The following TTC39B variants were observed in gnomAD, a reference collection of about 807,000 sequenced individuals.
TTC39B encodes the protein tetratricopeptide repeat protein 39B.
Under a neutral mutation model 96.6 loss-of-function variants are expected in TTC39B, and 92 were observed. The ratio of observed to expected loss-of-function variants is 0.95; its 90% CI spans 0.80 to 1.13. The LOEUF (loss-of-function observed/expected upper bound fraction) is 1.13, where lower values mean the gene tolerates loss of function less well. TTC39B is among the 50% of genes most tolerant of loss of function. TTC39B has a pLI of 0.00. For synonymous variants in TTC39B, 367 were observed against 299.4 expected (o/e 1.23, Z -2.33); for missense variants, 955 against 809.3 (o/e 1.18, Z -2.18).
At chr9:15,277,672 C>G (rs760278043) in intron 1 of TTC39B, among the ~76,000 whole-genome samples, 1 of 152,196 alleles carries the variant, frequency 6.6e-6, no homozygotes, top group Non-Finnish European at 1.5e-5. Flanking sequence ...AGCAGAGAGG[C>G]TGGCACAGAT....
chr9:15,203,012 AAAAG>A (rs1055279772), intron 7 of TTC39B, among the ~76,000 whole-genome samples: 10 of 152,194 alleles, frequency 6.6e-5, no homozygotes, highest in African/African-American at 2.2e-4. Flanking sequence ...AGGAAGAAAT[AAAAG>A]AAAGGAGAAT....
At chr9:15,271,901 T>C (rs1245471667) in intron 1 of TTC39B, among the ~76,000 whole-genome samples, 1 of 152,206 alleles carries the variant, frequency 6.6e-6, no homozygotes, top group Non-Finnish European at 1.5e-5. Context: ...TTTCCAATTC[T>C]GGGAAATTAT....
At chr9:15,240,292 A>C (rs1314587674) in intron 2 of TTC39B, among the ~76,000 whole-genome samples, 21 of 152,194 alleles carry the variant, frequency 1.4e-4, no homozygotes, top group Admixed American at 1.2e-3. Flanking sequence ...ACGAAGGAAA[A>C]ACAGCTGAAA....
chr9:15,206,761 A>C (rs1033046171), intron 6 of TTC39B, among the ~76,000 whole-genome samples: 2 of 152,092 alleles, frequency 1.3e-5, no homozygotes, highest in Non-Finnish European at 2.9e-5. Flanking sequence ...TTTTTTATTT[A>C]TGTAGAGACA....
At chr9:15,270,956 C>T (rs1035696845) in intron 1 of TTC39B, among the ~76,000 whole-genome samples, 1 of 152,148 alleles carries the variant, frequency 6.6e-6, no homozygotes, top group South Asian at 2.1e-4. Flanking sequence ...ACCTTACAAC[C>T]TTACAAAAGC....
At chr9:15,292,764 T>C (rs1587022535) in intron 1 of TTC39B, among the ~76,000 whole-genome samples, 1 of 152,200 alleles carries the variant, frequency 6.6e-6, no homozygotes, top group Admixed American at 6.5e-5. Context: ...AGAAAAAAGC[T>C]TGAATAAGGA....
intron 2 of TTC39B, among the ~76,000 whole-genome samples, chr9:15,258,530 T>C (rs2131528001): frequency 6.6e-6 from 1 of 152,294 alleles, no homozygotes; most frequent in South Asian, 2.1e-4. Context: ...ACTACCAAAA[T>C]AGCCCAAGAC....
intron 1 of TTC39B, among the ~76,000 whole-genome samples, chr9:15,295,898 A>C (rs1230305280): frequency 2.0e-5 from 3 of 152,166 alleles, no homozygotes; most frequent in Admixed American, 6.5e-5. Context: ...GGGGTGACAT[A>C]TGAGTACTTT....
exon 20 of TTC39B, chr9:15,170,416 T>C (rs1415531962): frequency 6.6e-6 from 1 of 152,192 alleles, no homozygotes; most frequent in African/African-American, 2.4e-5. Flanking sequence ...TATCAGCCAA[T>C]ACTTTTGTGT....
intron 1 of TTC39B, among the ~76,000 whole-genome samples, chr9:15,291,571 G>T (rs1287018099): frequency 6.6e-6 from 1 of 152,184 alleles, no homozygotes; most frequent in Non-Finnish European, 1.5e-5. Flanking sequence ...GATATGTAGA[G>T]TTCATATGGA....
chr9:15,282,552 T>C (rs533435502), intron 1 of TTC39B, among the ~76,000 whole-genome samples: 1 of 152,274 alleles, frequency 6.6e-6, no homozygotes, highest in East Asian at 1.9e-4. Context: ...TTGGGAAAAA[T>C]AAATAATTCT....
chr9:15,227,172 TG>T, intron 2 of TTC39B, among the ~76,000 whole-genome samples: 1 of 152,176 alleles, frequency 6.6e-6, no homozygotes, highest in Admixed American at 6.5e-5. Flanking sequence ...CCAGGTATCG[TG>T]GCGCATGCCT....
At chr9:15,233,528 G>A (rs1488680317) in intron 2 of TTC39B, among the ~76,000 whole-genome samples, 2 of 150,224 alleles carry the variant, frequency 1.3e-5, no homozygotes, top group African/African-American at 2.4e-5. Flanking sequence ...ACTGGTTTTC[G>A]TATTTTTTTG....
At chr9:15,276,175 G>C (rs1168787726) in intron 1 of TTC39B, among the ~76,000 whole-genome samples, 1 of 152,186 alleles carries the variant, frequency 6.6e-6, no homozygotes. Context: ...TTTGGCAGCA[G>C]GGTTATAATG....
chr9:15,189,764 T>G (rs959222912), exon 12 of TTC39B: 1 of 1,613,340 alleles, frequency 6.2e-7, no homozygotes. Context: ...GGAGACGCTC[T>G]GCTTCCGCAA....
chr9:15,291,460 G>C (rs1824187974), intron 1 of TTC39B, among the ~76,000 whole-genome samples: 2 of 152,198 alleles, frequency 1.3e-5, no homozygotes, highest in Non-Finnish European at 2.9e-5. Context: ...ACAGTGAACT[G>C]TAAGTCCATT....
chr9:15,298,073 A>G (rs1030207303), intron 1 of TTC39B, among the ~76,000 whole-genome samples: 1 of 152,206 alleles, frequency 6.6e-6, no homozygotes, highest in Non-Finnish European at 1.5e-5. Flanking sequence ...TAGAACAAGA[A>G]GACAGAGGAA....
At chr9:15,198,244 G>A (rs538442776) in intron 8 of TTC39B, among the ~76,000 whole-genome samples, 6 of 151,996 alleles carry the variant, frequency 3.9e-5, no homozygotes, top group African/African-American at 1.5e-4. Flanking sequence ...GGATCACGAG[G>A]TCAGGAGTTC....
chr9:15,246,261 A>AAAAT (rs1198959271), intron 2 of TTC39B, among the ~76,000 whole-genome samples: 2 of 152,156 alleles, frequency 1.3e-5, no homozygotes, highest in Non-Finnish European at 2.9e-5. Context: ...TCCATCTCAA[A>AAAAT]AAATAAATAA....
Sources: allele counts gnomAD v4.1 joint callset (sites outside exome capture counted in the v4.1 genomes callset), GRCh38; gene constraint gnomAD v4.1.1; transcripts MANE v1.5; gene names NCBI Gene and HGNC (gene_info 2026-07-23, HGNC 2026-07-21).